Variants in GTF2F2 observed in about 807,000 individuals in gnomAD.
The protein encoded by GTF2F2 is ATP-dependent helicase GTF2F2.
GTF2F2 carries 23 observed loss-of-function variants against 42.2 expected under a neutral mutation model. That is an observed-to-expected ratio of 0.55 (90% CI 0.39 to 0.77). The LOEUF is 0.77. Among genes scored for constraint, GTF2F2 ranks in the 30% least tolerant of loss-of-function variants. The pLI is 0.00. For missense variants in GTF2F2, 261 were observed against 287.2 expected (o/e 0.91, Z 0.66); for synonymous variants, 105 against 100.8 (o/e 1.04, Z -0.25).
chr13:45,159,922 A>G (rs976554752), intron 4 of GTF2F2, among the ~76,000 whole-genome samples: 4 of 152,210 alleles, frequency 2.6e-5, no homozygotes, highest in Non-Finnish European at 5.9e-5. Flanking sequence ...ATAAGCATTC[A>G]AAGTACTTTT....
rs142278759 is a variant in GTF2F2 at position 45,148,048 on chromosome 13, T to G, written c.141-1722T>G. 9.0e-3 allele frequency among the ~76,000 whole-genome samples: 1,368 copies of G among 152,356 alleles called. 29 individuals are homozygous for G. Among genetic ancestry groups the G allele is most frequent in the African/African-American group, 0.031 (1,306 of 41,578 alleles). On this transcript the variant is annotated intron_variant, in intron 2 of 7. Coordinates refer to ENST00000340473, the MANE Select transcript of GTF2F2 (RefSeq NM_004128.3). ...CTTCCTTGAGGTCAAGGATCCATAC[T>G]TAATACTGTACCATGTACGTAGCAC...
intron 4 of GTF2F2, among the ~76,000 whole-genome samples, chr13:45,155,172 A>G (rs1566116745): frequency 2.6e-5 from 4 of 152,226 alleles, no homozygotes; most frequent in Non-Finnish European, 5.9e-5. Context: ...CAGAAAAGCT[A>G]CAGAACCACT....
At chr13:45,253,308 T>C (rs147385461) in intron 6 of GTF2F2, among the ~76,000 whole-genome samples, 20 of 152,344 alleles carry the variant, frequency 1.3e-4, no homozygotes, top group Non-Finnish European at 2.6e-4. Flanking sequence ...ATATTAGTTT[T>C]ACTATTTTTA....
chr13:45,157,441 C>T (rs1870815749), intron 4 of GTF2F2, among the ~76,000 whole-genome samples: 1 of 152,192 alleles, frequency 6.6e-6, no homozygotes, highest in Admixed American at 6.5e-5. Context: ...ATGTTAAAGA[C>T]CTACTCTGAC....
chr13:45,193,083 T>A (rs1435067190), intron 4 of GTF2F2: 1 of 152,204 alleles, frequency 6.6e-6, no homozygotes, highest in Non-Finnish European at 1.5e-5. Flanking sequence ...TTTATTATAA[T>A]CATTAATACA....
Position 45,258,108 on chromosome 13 carries a change from G to C in GTF2F2, c.486+5138G>C, listed in dbSNP as rs574705667. ...GTGACAAACAGTGATGATGTAATCA[G>C]ATCTGAAAAGAACTTGGCCCTTCCA... On this transcript the variant is annotated intron_variant, in intron 6 of 7. Transcript: ENST00000340473. Among the ~76,000 whole-genome samples the C allele has an allele frequency of 2.5e-3, 378 of 152,132 alleles. 1 individual carries two copies. The highest frequency in any genetic ancestry group is 8.1e-3 in the African/African-American group (336 of 41,500).
intron 4 of GTF2F2, among the ~76,000 whole-genome samples, chr13:45,164,290 A>G (rs1231022385): frequency 6.6e-6 from 1 of 152,078 alleles, no homozygotes; most frequent in Non-Finnish European, 1.5e-5. Flanking sequence ...AAAAAAAAAA[A>G]GAGAAAGGTA....
intron 5 of GTF2F2, among the ~76,000 whole-genome samples, chr13:45,240,034 G>T (rs962549820): frequency 6.7e-6 from 1 of 150,222 alleles, no homozygotes; most frequent in South Asian, 2.1e-4. Context: ...GAGCTATTAG[G>T]TTGAATCTTA....
intron 6 of GTF2F2, among the ~76,000 whole-genome samples, chr13:45,260,806 G>A (rs1275401677): frequency 1.3e-5 from 2 of 151,956 alleles, no homozygotes; most frequent in Non-Finnish European, 2.9e-5. Context: ...GATCACTTGA[G>A]TTTGAGACCA....
In GTF2F2 at chr13:45,228,283, C is replaced by CTTTTTTTTT. The variant is rs372901327; in HGVS notation, c.386+20786_386+20794dup. ...TTTCCTTATTGCTGCCAGAGTTAAT[C>CTTTTTTTTT]TTTTTTTTTTTTTTTTGGAGACGGA... On this transcript the variant is annotated intron_variant, in intron 5 of 7. Coordinates refer to ENST00000340473, the MANE Select transcript of GTF2F2 (RefSeq NM_004128.3). Among the ~76,000 whole-genome samples the CTTTTTTTTT allele has an allele frequency of 2.1e-3, 195 of 92,670 alleles. 16 individuals are homozygous for CTTTTTTTTT. Among genetic ancestry groups the CTTTTTTTTT allele is most frequent in the African/African-American group, 5.0e-3 (89 of 17,626 alleles). 60.8% of individuals were successfully genotyped at this position (92,670 alleles called of 152,430 possible).
intron 4 of GTF2F2, among the ~76,000 whole-genome samples, chr13:45,168,752 G>A (rs1301942072): frequency 6.6e-6 from 1 of 151,888 alleles, no homozygotes; most frequent in African/African-American, 2.4e-5. Context: ...AGCTGGAGCT[G>A]CAAGTGTGTG....
intron 1 of GTF2F2, 55 bp downstream of exon 1, chr13:45,120,776 T>A: frequency 7.6e-7 from 1 of 1,313,486 alleles, no homozygotes; most frequent in Non-Finnish European, 1.1e-6. Flanking sequence ...ATAGTTTAAG[T>A]AACTTGAGCC....
At chr13:45,232,361 T>C (rs551016291) in intron 5 of GTF2F2, among the ~76,000 whole-genome samples, 1 of 152,200 alleles carries the variant, frequency 6.6e-6, no homozygotes, top group Non-Finnish European at 1.5e-5. Context: ...GCATGATTGC[T>C]TATGCCTATA....
rs147099849 is a variant in GTF2F2 at position 45,130,108 on chromosome 13, A to G, written c.67-6625A>G. The stretch of plus-strand genomic sequence containing the variant: ...CATCCAGGGAACTGGGTCACCTAAG[A>G]CATTATAGGAGTTTTCTTCTGAGTG... On this transcript the variant is annotated intron_variant, in intron 1 of 7. Transcript: ENST00000340473. Among the ~76,000 whole-genome samples, 8 of 152,326 alleles carry G rather than the reference A, an allele frequency of 5.3e-5. No individual in the cohort carries two copies. In the East Asian group the frequency reaches 1.5e-3, roughly 29 times the overall value.
In GTF2F2 at chr13:45,284,515, C is replaced by T. The variant is rs748610239; in HGVS notation, c.*954C>T. ...GCACAACACAATATTATATATTAAG[C>T]GATCCAAAATCATACTGTCAAGACC... On this transcript the variant is annotated 3_prime_UTR_variant, in exon 8 of 8. Transcript: ENST00000340473. 2.0e-5 allele frequency: 3 copies of T among 151,948 alleles called. No homozygotes were observed. Among genetic ancestry groups the T allele is most frequent in the Non-Finnish European group, 4.4e-5 (3 of 67,990 alleles). The allele number at this position is 151,948 out of a possible 1,614,324, so 9.4% of individuals were successfully genotyped here.
At chr13:45,194,379 T>C in intron 4 of GTF2F2, 1 of 1,614,204 alleles carries the variant, frequency 6.2e-7, no homozygotes, top group Non-Finnish European at 8.5e-7. Context: ...TTTTTCCATT[T>C]ACTATACCTT....
At chr13:45,147,461 A>G (rs1208206428) in intron 2 of GTF2F2, among the ~76,000 whole-genome samples, 1 of 152,212 alleles carries the variant, frequency 6.6e-6, no homozygotes, top group East Asian at 1.9e-4. Flanking sequence ...GGAGTGCTAG[A>G]GAGGGGACTG....
chr13:45,134,203 AC>A (rs1869501791), intron 1 of GTF2F2, among the ~76,000 whole-genome samples: 1 of 152,126 alleles, frequency 6.6e-6, no homozygotes, highest in African/African-American at 2.4e-5. Context: ...AATGGTATTG[AC>A]TACCCTTCCG....
intron 4 of GTF2F2, among the ~76,000 whole-genome samples, chr13:45,205,165 T>G (rs547614149): frequency 6.6e-6 from 1 of 152,244 alleles, no homozygotes; most frequent in African/African-American, 2.4e-5. Context: ...ACTGGGTAGT[T>G]TATAAAGGAA....
Sources: allele counts gnomAD v4.1 joint callset (sites outside exome capture counted in the v4.1 genomes callset), GRCh38; gene constraint gnomAD v4.1.1; transcripts MANE v1.5; gene names NCBI Gene and HGNC (gene_info 2026-07-23, HGNC 2026-07-21).